KIF7: variants seen among roughly 807,000 people sequenced by gnomAD.
KIF7 encodes kinesin-like protein KIF7.
Under a neutral mutation model 135.7 loss-of-function variants are expected in KIF7, and 104 were observed. That is an observed-to-expected ratio of 0.77 (90% confidence interval 0.65 to 0.90). The LOEUF (loss-of-function observed/expected upper bound fraction) is 0.90. Among genes scored for constraint, KIF7 ranks in the 40% least tolerant of loss-of-function variants. The pLI, the probability that KIF7 is intolerant of heterozygous loss-of-function variation, is 0.00. For missense variants in KIF7, 2,005 were observed against 1,839.1 expected (o/e 1.09, Z -1.65); for synonymous variants, 883 against 809.4 (o/e 1.09, Z -1.54).
intron 11 of KIF7, among the ~76,000 whole-genome samples, chr15:89,636,380 T>C (rs1313274538): frequency 7.4e-6 from 1 of 135,768 alleles, no homozygotes; most frequent in African/African-American, 2.9e-5. Context: ...AGACACAGAC[T>C]GGCAAATTGG....
intron 2 of KIF7, 68 bp downstream of exon 2, chr15:89,652,535 A>AGG: frequency 8.2e-7 from 1 of 1,224,920 alleles, no homozygotes; most frequent in South Asian, 1.6e-5. Context: ...CAAGAGGACA[A>AGG]GGCAGAAATC....
At chr15:89,653,608 C>T (rs76211598) in intron 1 of KIF7, among the ~76,000 whole-genome samples, 2,902 of 152,258 alleles carry the variant, frequency 0.019, 100 homozygotes, top group African/African-American at 0.066. Flanking sequence ...GACAGGGTCT[C>T]TCTCTTTCAC....
intron 11 of KIF7, among the ~76,000 whole-genome samples, chr15:89,639,355 A>G (rs1159709247): frequency 6.7e-6 from 1 of 148,768 alleles, no homozygotes; most frequent in East Asian, 2.0e-4. Context: ...TGAACAGGCA[A>G]CCTACAAAAT....
intron 11 of KIF7, among the ~76,000 whole-genome samples, chr15:89,635,482 AG>A (rs1233191288): frequency 6.6e-6 from 1 of 152,360 alleles, no homozygotes; most frequent in East Asian, 1.9e-4. Flanking sequence ...GAGTGCTTAA[AG>A]GAGCTGATGG....
rs116823950 is a variant in KIF7, at chr15:89,642,262, C to A, written c.2335G>T (p.Glu779Ter). 6.2e-7 allele frequency: 1 copy of A among 1,610,384 alleles called. No homozygotes were observed. Among genetic ancestry groups the A allele is most frequent in the African/African-American group, 1.3e-5 (1 of 75,022 alleles). The change falls in exon 11 of 19, where the codon GAG (glutamate) becomes TAG (stop). Residue 779 changes from glutamate to a stop codon, truncating the protein, a stop_gained. Transcript: ENST00000394412. LOFTEE classifies it high-confidence loss of function. Reference sequence around the variant, plus strand: ...CGGAACTCCTGGAGCCGAGACCGCTCGCCAGCATCCTGGAGCTCCTTGCCC... The same window carrying A: ...CGGAACTCCTGGAGCCGAGACCGCTAGCCAGCATCCTGGAGCTCCTTGCCC... ...LEGKELQDAGERSRLQEFRRR... is the reference protein window; with the variant it reads ...LEGKELQDAG
downstream of KIF7, chr15:89,625,991 C>T (rs1348558862): frequency 3.7e-6 from 6 of 1,609,666 alleles, no homozygotes; most frequent in Non-Finnish European, 5.1e-6. Context: ...CCAGTGCCCT[C>T]CAGGCTCTGA....
chr15:89,624,340 C>T, downstream of KIF7: 1 of 1,614,142 alleles, frequency 6.2e-7, no homozygotes, highest in Non-Finnish European at 8.5e-7. Flanking sequence ...GAAAGAGCCC[C>T]AGATGTCACC....
chr15:89,663,021 A>G, the KIF7 span, among the ~76,000 whole-genome samples: 9 of 152,358 alleles, frequency 5.9e-5, no homozygotes, highest in South Asian at 1.9e-3. Context: ...ACCAGCAGGC[A>G]TGTTGGCGGC....
chr15:89,647,406 C>A (rs1277437758), intron 6 of KIF7, among the ~76,000 whole-genome samples, 190 bp downstream of exon 6: 1 of 152,110 alleles, frequency 6.6e-6, no homozygotes, highest in Non-Finnish European at 1.5e-5. Context: ...CCCTGCCTGG[C>A]GGTCCTGCAC....
chr15:89,648,291 G>T lies in KIF7; in HGVS notation c.1407C>A (p.Val469=). 1 of 1,520,886 alleles carries T rather than the reference G, an allele frequency of 6.6e-7. No homozygotes were observed. The highest frequency in any genetic ancestry group is 8.8e-7 in the Non-Finnish European group (1 of 1,138,458). The allele number at this position is 1,520,886 out of a possible 1,614,324, so 94.2% of individuals were successfully genotyped here. ...GPDSGIESAS[V]EDQAAQGAGG... ...CGGCCCCCTGCGCCGCCTGGTCCTCGACGGAGGCGCTCTCGATGCCGCTAT... is the reference window on the plus strand; with the variant it reads ...CGGCCCCCTGCGCCGCCTGGTCCTCTACGGAGGCGCTCTCGATGCCGCTAT... The change falls in exon 5 of 19, where the codon GTC becomes GTA. Residue 469 remains valine (V), a synonymous_variant. Coordinates refer to ENST00000394412, the MANE Select transcript of KIF7 (RefSeq NM_198525.3).
intron 1 of KIF7, chr15:89,618,287 G>A: frequency 7.6e-7 from 1 of 1,315,428 alleles, no homozygotes; most frequent in Non-Finnish European, 1.1e-6. Flanking sequence ...ATTGTTACTT[G>A]GCATATCCTA....
intron 6 of KIF7, 149 bp from the exon 7 acceptor site, chr15:89,647,206 TAGG>T (rs1964030315): frequency 8.3e-6 from 6 of 721,354 alleles, no homozygotes; most frequent in South Asian, 1.6e-5. Context: ...AACAACTCTG[TAGG>T]AGTTCAGACT....
rs1261162349 is a variant in KIF7, at chr15:89,645,988, C to T, written c.1827G>A (p.Leu609=). 4 of 1,614,014 alleles carry T rather than the reference C, an allele frequency of 2.5e-6. No individual in the cohort carries two copies. Among genetic ancestry groups the T allele is most frequent in the Non-Finnish European group, 3.4e-6 (4 of 1,180,012 alleles). The change falls in exon 8 of 19, where the codon CTG becomes CTA. Residue 609 remains leucine (L), a synonymous_variant. Coordinates refer to ENST00000394412, the MANE Select transcript of KIF7 (RefSeq NM_198525.3). The part of the protein sequence containing the change: ...TNGREAGAEL[L]TEVNRLGSGS... ...CACTTCCCAGCCTGTTCACCTCAGT[C>T]AGCAACTCAGCTCCAGCCTCCCTGC...
At chr15:89,621,495 G>T (rs201761582) in intron 1 of KIF7, 1 of 1,613,956 alleles carries the variant, frequency 6.2e-7, no homozygotes, top group Non-Finnish European at 8.5e-7. Flanking sequence ...GGTTCAGCTC[G>T]AATGAAAAAG....
At position 89,634,357 on chromosome 15, in the gene KIF7, C is replaced by T. The variant is rs113220884; in HGVS notation, c.2395-474G>A. Among the ~76,000 whole-genome samples, 485 of 152,328 alleles carry T rather than the reference C, an allele frequency of 3.2e-3. 5 individuals carry two copies. Among genetic ancestry groups the T allele is most frequent in the African/African-American group, 9.9e-3 (410 of 41,584 alleles). ...GCCGAATAGGAACAGCTCCAGTCTACAGCTCCCAGCGTGAGTGACGCAGAA... is the reference window on the plus strand; with the variant it reads ...GCCGAATAGGAACAGCTCCAGTCTATAGCTCCCAGCGTGAGTGACGCAGAA... On this transcript the variant is annotated intron_variant, in intron 11 of 18. Coordinates refer to ENST00000394412, the MANE Select transcript of KIF7 (RefSeq NM_198525.3).
At position 89,631,417 on chromosome 15, in the gene KIF7, C is replaced by T; in HGVS notation, c.3111+78G>A. On this transcript the variant is annotated intron_variant, in intron 15 of 18. Transcript: ENST00000394412. ...AGCAAGGCCCAGCACCCGCAGAGGGCTGGAGCAAGGGCTGAGGAGAGCAGA... is the reference window on the plus strand; with the variant it reads ...AGCAAGGCCCAGCACCCGCAGAGGGTTGGAGCAAGGGCTGAGGAGAGCAGA... The T allele has an allele frequency of 3.8e-6, 5 of 1,322,948 alleles. No individual in the cohort carries two copies. In the South Asian group the frequency reaches 5.4e-5, roughly 14 times the overall value. The allele number at this position is 1,322,948 out of a possible 1,614,324, so 82.0% of individuals were successfully genotyped here.
chr15:89,632,918 C>G lies in KIF7; in HGVS notation c.2797G>C (p.Gly933Arg). The G allele has an allele frequency of 1.2e-6, 2 of 1,610,622 alleles. No homozygotes were observed. Among genetic ancestry groups the G allele is most frequent in the Non-Finnish European group, 1.7e-6 (2 of 1,179,810 alleles). Residue 933 changes from glycine (G) to arginine (R), a missense_variant, in exon 14 of 19, where the codon GGG becomes CGG. By Grantham distance (125) the Gly-to-Arg change is moderately radical (BLOSUM62 -2). Coordinates refer to ENST00000394412, the MANE Select transcript of KIF7 (RefSeq NM_198525.3). ...LQQRRALEEL[G>R]EELHKREAIL... ...GCCTCCCGCTTGTGGAGCTCCTCCC[C>G]CAGCTCCTCCAGCGCCCGCCGCTGC...
downstream of KIF7, chr15:89,625,874 A>G (rs1033718991): frequency 1.3e-6 from 2 of 1,541,566 alleles, no homozygotes; most frequent in African/African-American, 2.8e-5. Flanking sequence ...GCTTCTTGGG[A>G]GGCCTGGGCT....
chr15:89,649,320 G>C lies in KIF7; in HGVS notation c.577C>G (p.Leu193Val), dbSNP rs1964084513. The change falls in exon 4 of 19, where the codon CTG becomes GTG. Residue 193 changes from leucine to valine, a missense_variant. By Grantham distance (32) the Leu-to-Val change is conservative (BLOSUM62 1). Transcript: ENST00000394412. ...EVDVEGLDEV[L>V]SLLEMGNAAR... is the part of the protein sequence containing the mutation. ...GCGTTGCCCATCTCCAGGAGGCTCA[G>C]CACCTCATCCAGGCCCTCCACGTCG... 1 of 1,480,432 alleles carries C rather than the reference G, an allele frequency of 6.8e-7. No individual in the cohort carries two copies. Among genetic ancestry groups the C allele is most frequent in the Admixed American group, 2.3e-5 (1 of 42,762 alleles). The allele number at this position is 1,480,432 out of a possible 1,614,324, so 91.7% of individuals were successfully genotyped here. A position where few individuals can be genotyped will look rare whatever the true frequency, so the allele number is the denominator to read the frequency against.
Sources: allele counts gnomAD v4.1 joint callset (sites outside exome capture counted in the v4.1 genomes callset), GRCh38; gene constraint gnomAD v4.1.1; transcripts MANE v1.5; gene names NCBI Gene and HGNC (gene_info 2026-07-23, HGNC 2026-07-21).